The following MBTPS1 variants were observed in gnomAD, a reference collection of about 807,000 sequenced individuals.
MBTPS1 encodes membrane-bound transcription factor site-1 protease.
In MBTPS1, 94 loss-of-function variants were observed where a neutral mutation model predicts 127.8. The observed-to-expected ratio is 0.74, with a 90% CI of 0.62 to 0.87. The LOEUF is 0.87. Ranked by LOEUF, MBTPS1 falls within the 40% of genes least tolerant of loss-of-function variation. The pLI, the probability that MBTPS1 is intolerant of heterozygous loss-of-function variation, is 0.00. For synonymous variants in MBTPS1, 632 were observed against 509.4 expected, an observed-to-expected ratio of 1.24 and a Z score of -3.24; for missense variants, 1,636 against 1,353.2, an observed-to-expected ratio of 1.21 and a Z score of -3.28.
intron 5 of MBTPS1, among the ~76,000 whole-genome samples, 197 bp from the exon 6 acceptor site, chr16:84,093,494 G>T (rs3743636): frequency 4.6e-5 from 7 of 151,890 alleles, no homozygotes; most frequent in African/African-American, 1.5e-4. Context: ...CACGCTCTCC[G>T]GGACAGGGAG....
At chr16:84,081,998 G>A in intron 10 of MBTPS1, 90 bp from the exon 11 acceptor site, 1 of 944,732 alleles carries the variant, frequency 1.1e-6, no homozygotes, top group South Asian at 3.3e-5. Context: ...GTGCACACAA[G>A]AGGCCTGCAG....
At chr16:84,079,887 C>T (rs34771765) in intron 11 of MBTPS1, among the ~76,000 whole-genome samples, 1 of 152,080 alleles carries the variant, frequency 6.6e-6, no homozygotes, top group Non-Finnish European at 1.5e-5. Context: ...TAGCTCTGTC[C>T]GAAGAGCGCA....
At chr16:84,111,522 C>G (rs1369753876) in intron 1 of MBTPS1, among the ~76,000 whole-genome samples, 1 of 148,678 alleles carries the variant, frequency 6.7e-6, no homozygotes, top group Non-Finnish European at 1.5e-5. Flanking sequence ...GCCTGGGCAA[C>G]AGAGAGAGAC....
In MBTPS1 at chr16:84,085,039, G is replaced by A; in HGVS notation, c.1230C>T (p.Leu410=). 3 of 1,614,202 alleles carry A rather than the reference G, an allele frequency of 1.9e-6. No individual in the cohort carries two copies. The highest frequency in any genetic ancestry group is 1.3e-5 in the African/African-American group (1 of 75,040). The part of the protein sequence containing the change: ...GSGVKGGCRA[L]SGTSVASPVV... The stretch of plus-strand genomic sequence containing the variant: ...CTGGAGAAGCAACACTGGTCCCTGA[G>A]AGGGCCCGGCACCCCCCTTTCACGC... Residue 410 remains leucine (L), a synonymous_variant, in exon 10 of 23, where the codon CTC becomes CTT. Coordinates refer to ENST00000343411, the MANE Select transcript of MBTPS1 (RefSeq NM_003791.4).
chr16:84,103,673 C>T (rs1284856546), intron 1 of MBTPS1, among the ~76,000 whole-genome samples: 1 of 152,090 alleles, frequency 6.6e-6, no homozygotes, highest in Non-Finnish European at 1.5e-5. Context: ...TTTTTGGTTT[C>T]TGGAAATATC....
chr16:84,054,423 GC>G lies in MBTPS1; in HGVS notation c.*25del. 6.4e-7 allele frequency: 1 copy of G among 1,568,846 alleles called. No homozygotes were observed. ...GCGCCGTCCGTGAAGGCTCTCTCTG[GC>G]CCTCACGGTCAGCCAGGCTGCCGGT... is the stretch of plus-strand genomic sequence containing the variant. On this transcript the variant is annotated 3_prime_UTR_variant, in exon 23 of 23. Transcript: ENST00000343411.
rs370374908 is a variant in MBTPS1, at chr16:84,112,259, G to C, written c.-325+4476C>G. Among the ~76,000 whole-genome samples the C allele has an allele frequency of 9.1e-4, 139 of 152,198 alleles. 4 individuals carry two copies. In the South Asian group the frequency reaches 0.027, roughly 29 times the overall value. Reference sequence around the variant, plus strand: ...GACACATACCAAAATGGTTACAGTGGTTCTACCTTTCAATTGTATGATTAC... The same window carrying C: ...GACACATACCAAAATGGTTACAGTGCTTCTACCTTTCAATTGTATGATTAC... On this transcript the variant is annotated intron_variant, in intron 1 of 22. Transcript: ENST00000343411.
chr16:84,090,809 A>G (rs1025851242), intron 8 of MBTPS1, 66 bp downstream of exon 8: 31 of 1,131,540 alleles, frequency 2.7e-5, no homozygotes, highest in East Asian at 2.1e-4. Flanking sequence ...ACACAAACAG[A>G]TAACAATTTT....
At chr16:84,060,526 C>T (rs112746367) in intron 20 of MBTPS1, 156 bp downstream of exon 20, 9 of 770,922 alleles carry the variant, frequency 1.2e-5, no homozygotes, top group Non-Finnish European at 1.4e-5. Flanking sequence ...CAGGTTAGAG[C>T]CGCTGAGTGC....
At chr16:84,084,960 G>A (rs1249124707) in intron 10 of MBTPS1, 23 bp downstream of exon 10, 9 of 1,609,972 alleles carry the variant, frequency 5.6e-6, no homozygotes, top group Admixed American at 3.4e-5. Flanking sequence ...GGGAGCTACT[G>A]GTCTCTAGGG....
At chr16:84,085,199 A>C in intron 9 of MBTPS1, 65 bp from the exon 10 acceptor site, 1 of 1,495,540 alleles carries the variant, frequency 6.7e-7, no homozygotes, top group South Asian at 1.2e-5. Flanking sequence ...TGCAATCATG[A>C]GTGAATCAAA....
In MBTPS1 at chr16:84,073,503, T is replaced by C. The variant is rs553516422; in HGVS notation, c.1593+1094A>G. Among the ~76,000 whole-genome samples the C allele has an allele frequency of 5.3e-5, 8 of 151,968 alleles. No homozygotes were observed. In the South Asian group the frequency reaches 8.3e-4, roughly 16 times the overall value. On this transcript the variant is annotated intron_variant, in intron 12 of 22. Transcript: ENST00000343411. The stretch of plus-strand genomic sequence containing the variant: ...TTGTGAATTTTTGCCAAGTGCACAA[T>C]GATAACAAAAAAAATAAGTATTGCA...
chr16:84,102,347 G>C (rs1223471626), intron 1 of MBTPS1, among the ~76,000 whole-genome samples: 1 of 151,698 alleles, frequency 6.6e-6, no homozygotes, highest in Non-Finnish European at 1.5e-5. Flanking sequence ...TAAATAAGAG[G>C]GTAAAAGAGA....
intron 11 of MBTPS1, among the ~76,000 whole-genome samples, chr16:84,081,134 G>A (rs969853476): frequency 6.6e-6 from 1 of 152,214 alleles, no homozygotes; most frequent in African/African-American, 2.4e-5. Context: ...AGACTCTGAC[G>A]CTCATACTGA....
chr16:84,109,092 A>T (rs1299770291), intron 1 of MBTPS1, among the ~76,000 whole-genome samples: 1 of 152,268 alleles, frequency 6.6e-6, no homozygotes, highest in Admixed American at 6.5e-5. Flanking sequence ...ACTGCCCACA[A>T]TTGGTTCTAA....
At chr16:84,055,830 C>G (rs1197661509) in intron 22 of MBTPS1, among the ~76,000 whole-genome samples, 175 bp downstream of exon 22, 2 of 152,234 alleles carry the variant, frequency 1.3e-5, no homozygotes, top group South Asian at 4.1e-4. Context: ...ATCTGTCAGG[C>G]CTGCCCTTGC....
chr16:84,101,396 C>T (rs1427029253), intron 2 of MBTPS1, among the ~76,000 whole-genome samples: 1 of 151,412 alleles, frequency 6.6e-6, no homozygotes, highest in African/African-American at 2.4e-5. Context: ...GAGGCTGAGG[C>T]ATGAGAATTG....
chr16:84,093,388 C>G, intron 5 of MBTPS1, 91 bp from the exon 6 acceptor site: 1 of 877,534 alleles, frequency 1.1e-6, no homozygotes. Context: ...CACGGCCTTC[C>G]ATTTCCAAGT....
intron 8 of MBTPS1, among the ~76,000 whole-genome samples, chr16:84,088,685 A>T (rs537164833): frequency 2.1e-4 from 32 of 152,332 alleles, no homozygotes; most frequent in Admixed American, 1.3e-4. Context: ...CACCAAGGGC[A>T]CAGGACCCAG....
Sources: gnomAD v4.1 joint callset for allele counts (sites outside exome capture counted in the v4.1 genomes callset) on GRCh38, gnomAD v4.1.1 for gene constraint, MANE v1.5 for transcripts, NCBI Gene and HGNC (gene_info 2026-07-23, HGNC 2026-07-21) for gene names.